RICTOR: variants seen among roughly 807,000 people sequenced by gnomAD.
The protein encoded by RICTOR is RPTOR independent companion of MTOR complex 2.
RICTOR carries 49 observed loss-of-function variants against 214.9 expected under a neutral mutation model. That is an observed-to-expected ratio of 0.23 (90% CI 0.18 to 0.29). The LOEUF (loss-of-function observed/expected upper bound fraction) is 0.29, where lower values mean the gene tolerates loss of function less well. RICTOR is among the 10% of genes least tolerant of loss of function. The pLI is 1.00. For missense variants in RICTOR, 1,625 were observed against 2,047.0 expected, an observed-to-expected ratio of 0.79 and a Z score of 3.98; for synonymous variants, 717 against 711.3, an observed-to-expected ratio of 1.01 and a Z score of -0.13.
In RICTOR at chr5:38,940,430, C is replaced by T. The variant is rs924281651; in HGVS notation, c.*1874G>A. ...TTAACCACTATTTGGTCTAGTAACT[C>T]TGACATTTGGTTCTCTGGAAAGGCA... On this transcript the variant is annotated 3_prime_UTR_variant, in exon 38 of 38. Coordinates refer to ENST00000357387, the MANE Select transcript of RICTOR (RefSeq NM_152756.5). 1 of 232,546 alleles carries T rather than the reference C, an allele frequency of 4.3e-6. No individual in the cohort carries two copies. Among genetic ancestry groups the T allele is most frequent in the Non-Finnish European group, 8.5e-6 (1 of 117,482 alleles). The allele number at this position is 232,546 out of a possible 1,614,324, so 14.4% of individuals were successfully genotyped here.
Position 38,978,748 on chromosome 5 carries a change from T to C in RICTOR, c.754-98A>G, listed in dbSNP as rs1338216100. 11 of 574,900 alleles carry C rather than the reference T, an allele frequency of 1.9e-5. No individual in the cohort carries two copies. In the East Asian group the frequency reaches 2.8e-4, roughly 14 times the overall value. 35.6% of individuals were successfully genotyped at this position (574,900 alleles called of 1,614,324 possible). A position where few individuals can be genotyped will look rare whatever the true frequency, so the allele number is the denominator to read the frequency against. The stretch of plus-strand genomic sequence containing the variant: ...ACATTCCATTTCTCTCTATCTTTAA[T>C]GGGTTTACTGCTTGGGGGACTTATT... On this transcript the variant is annotated intron_variant, in intron 8 of 37. Coordinates refer to ENST00000357387, the MANE Select transcript of RICTOR (RefSeq NM_152756.5).
intron 7 of RICTOR, among the ~76,000 whole-genome samples, chr5:38,988,067 G>A (rs569390248): frequency 6.6e-6 from 1 of 152,280 alleles, no homozygotes; most frequent in East Asian, 1.9e-4. Context: ...TGTAGCCTGA[G>A]AGACTGTCTT....
intron 2 of RICTOR, among the ~76,000 whole-genome samples, chr5:39,053,886 G>C (rs1379461723): frequency 9.5e-6 from 1 of 105,174 alleles, no homozygotes; most frequent in Admixed American, 1.1e-4. Context: ...GCGAGACTCC[G>C]TCTCAAAAAA....
chr5:39,071,913 C>T (rs958219213), intron 2 of RICTOR, among the ~76,000 whole-genome samples: 5 of 152,212 alleles, frequency 3.3e-5, no homozygotes, highest in South Asian at 2.1e-4. Context: ...CAAACAGCTG[C>T]CCTTCAGCTG....
intron 3 of RICTOR, among the ~76,000 whole-genome samples, chr5:39,013,285 C>T (rs777054946): frequency 1.5e-4 from 23 of 152,068 alleles, no homozygotes; most frequent in Non-Finnish European, 2.5e-4. Context: ...TACTATTATA[C>T]AAATCTTATT....
chr5:39,033,171 C>T (rs1290340715), intron 2 of RICTOR, among the ~76,000 whole-genome samples: 2 of 152,052 alleles, frequency 1.3e-5, no homozygotes, highest in Non-Finnish European at 2.9e-5. Flanking sequence ...ACTGCAGTGT[C>T]TGTTTTTCTT....
At chr5:38,974,252 G>T (rs1751022625) in intron 10 of RICTOR, among the ~76,000 whole-genome samples, 1 of 151,618 alleles carries the variant, frequency 6.6e-6, no homozygotes, top group Non-Finnish European at 1.5e-5. Context: ...GCTTCACCAT[G>T]TTGGCCAGGC....
intron 3 of RICTOR, among the ~76,000 whole-genome samples, chr5:39,007,821 G>A (rs1276381023): frequency 6.7e-6 from 1 of 149,662 alleles, no homozygotes; most frequent in African/African-American, 2.4e-5. Flanking sequence ...TTTAAATATT[G>A]TATATTACTA....
intron 2 of RICTOR, among the ~76,000 whole-genome samples, chr5:39,043,119 G>A (rs1757277877): frequency 6.6e-6 from 1 of 151,924 alleles, no homozygotes; most frequent in South Asian, 2.1e-4. Flanking sequence ...TCCACTACTA[G>A]GTATATAAAT....
chr5:38,956,504 A>T (rs1374325213), intron 25 of RICTOR, among the ~76,000 whole-genome samples: 1 of 152,050 alleles, frequency 6.6e-6, no homozygotes, highest in Non-Finnish European at 1.5e-5. Flanking sequence ...AATGATCTAT[A>T]CAGCTTTATT....
chr5:39,043,300 C>CA (rs1421216551), intron 2 of RICTOR, among the ~76,000 whole-genome samples: 1 of 152,052 alleles, frequency 6.6e-6, no homozygotes, highest in African/African-American at 2.4e-5. Context: ...GAATATTACT[C>CA]AGCCATTAAA....
At chr5:39,045,698 G>A (rs1757440256) in intron 2 of RICTOR, among the ~76,000 whole-genome samples, 1 of 152,086 alleles carries the variant, frequency 6.6e-6, no homozygotes, top group Non-Finnish European at 1.5e-5. Flanking sequence ...ATATTTTCAT[G>A]TACAGCTACT....
At chr5:38,962,180 T>G (rs1309916714) in intron 19 of RICTOR, 135 bp downstream of exon 19, 2 of 398,706 alleles carry the variant, frequency 5.0e-6, no homozygotes, top group Non-Finnish European at 9.3e-6. Flanking sequence ...TAAAAATATA[T>G]ATGAGTACCT....
At position 39,067,208 on chromosome 5, in the gene RICTOR, C is replaced by T. The variant is rs139254474; in HGVS notation, c.97+6903G>A. Among the ~76,000 whole-genome samples the T allele has an allele frequency of 3.1e-3, 469 of 152,260 alleles. 7 individuals carry two copies. Among genetic ancestry groups the T allele is most frequent in the Non-Finnish European group, 1.7e-3 (117 of 68,018 alleles). On this transcript the variant is annotated intron_variant, in intron 2 of 37. Transcript: ENST00000357387. ...AAGCATGGTGCCAGCATCTGCTTCT[C>T]GGGAGGCCTCAGGGTGTTTCTGCTC...
intron 3 of RICTOR, among the ~76,000 whole-genome samples, chr5:39,008,223 A>T (rs968469260): frequency 1.1e-4 from 16 of 152,070 alleles, no homozygotes; most frequent in South Asian, 2.1e-4. Context: ...AACACCAAAA[A>T]TTTTTTTAAC....
chr5:38,978,618 G>T lies in RICTOR; in HGVS notation c.786C>A (p.Tyr262Ter). 1 of 1,568,600 alleles carries T rather than the reference G, an allele frequency of 6.4e-7. No individual in the cohort carries two copies. Among genetic ancestry groups the T allele is most frequent in the Admixed American group, 1.7e-5 (1 of 58,600 alleles). The change falls in exon 9 of 38, where the codon TAC (tyrosine) becomes TAA (stop). Residue 262 changes from tyrosine to a stop codon, truncating the protein, a stop_gained. Transcript: ENST00000357387. LOFTEE classifies it high-confidence loss of function. ...RILAPYTDFH[Y>*]RHSPDTAEGQ... is the part of the protein sequence containing the mutation. Reference sequence around the variant, plus strand: ...CTTCAGCTGTATCTGGACTATGTCTGTAGTGAAAATCAGTATAGGGTGCTA... The same window carrying T: ...CTTCAGCTGTATCTGGACTATGTCTTTAGTGAAAATCAGTATAGGGTGCTA...
chr5:39,046,872 C>A (rs1476656030), intron 2 of RICTOR, among the ~76,000 whole-genome samples: 1 of 152,090 alleles, frequency 6.6e-6, no homozygotes, highest in Non-Finnish European at 1.5e-5. Flanking sequence ...AGTACTATAT[C>A]CTTTTCCTCA....
chr5:38,947,041 A>C (rs1017598180), intron 32 of RICTOR, among the ~76,000 whole-genome samples: 18 of 152,174 alleles, frequency 1.2e-4, no homozygotes, highest in African/African-American at 3.9e-4. Flanking sequence ...TAATATGGGA[A>C]GAGAGGGAAG....
chr5:38,953,178 ATC>A lies in RICTOR; in HGVS notation c.2791-89_2791-88del, dbSNP rs1748943303. On this transcript the variant is annotated intron_variant, in intron 28 of 37. Coordinates refer to ENST00000357387, the MANE Select transcript of RICTOR (RefSeq NM_152756.5). ...GCTACCAAGAAACAAATTTAACCTC[ATC>A]TCTGAGAGAGAAAAAATGTAAAAGC... The A allele has an allele frequency of 1.1e-5, 10 of 888,468 alleles. No homozygotes were observed. The South Asian group carries it at 1.6e-4, about 14-fold the overall frequency. The allele number at this position is 888,468 out of a possible 1,614,324, so 55.0% of individuals were successfully genotyped here. A position where few individuals can be genotyped will look rare whatever the true frequency, so the allele number is the denominator to read the frequency against.
Sources: gnomAD v4.1 joint callset for allele counts (sites outside exome capture counted in the v4.1 genomes callset) on GRCh38, gnomAD v4.1.1 for gene constraint, MANE v1.5 for transcripts, NCBI Gene and HGNC (gene_info 2026-07-23, HGNC 2026-07-21) for gene names.